The following MEGF10 variants were observed in gnomAD, a reference collection of about 807,000 sequenced individuals.
The protein encoded by MEGF10 is multiple EGF like domains 10.
A neutral mutation model predicts 147.5 loss-of-function variants in MEGF10; 86 were observed. The ratio of observed to expected loss-of-function variants is 0.58; its 90% CI spans 0.49 to 0.70. The LOEUF (loss-of-function observed/expected upper bound fraction) is 0.70, where lower values mean the gene tolerates loss of function less well. MEGF10 is among the 30% of genes least tolerant of loss of function. The pLI, the probability that MEGF10 is intolerant of heterozygous loss-of-function variation, is 0.00. For synonymous variants in MEGF10, 478 were observed against 525.5 expected, an observed-to-expected ratio of 0.91 and a Z score of 1.24; for missense variants, 1,329 against 1,487.3, an observed-to-expected ratio of 0.89 and a Z score of 1.75.
intron 14 of MEGF10, 30 bp from the exon 15 acceptor site, chr5:127,434,657 G>T (rs2127002473): frequency 6.3e-7 from 1 of 1,586,892 alleles, no homozygotes; most frequent in East Asian, 2.3e-5. Context: ...ATCTCAGAAG[G>T]ATAACTGCTG....
intron 5 of MEGF10, among the ~76,000 whole-genome samples, chr5:127,382,247 A>T (rs1406626180): frequency 6.6e-6 from 1 of 152,232 alleles, no homozygotes; most frequent in Non-Finnish European, 1.5e-5. Flanking sequence ...GGCAGAAGTA[A>T]AAAGACAATA....
chr5:127,414,826 A>T (rs1016944771), intron 9 of MEGF10, among the ~76,000 whole-genome samples: 1 of 152,220 alleles, frequency 6.6e-6, no homozygotes, highest in African/African-American at 2.4e-5. Context: ...GAGAAAGAAG[A>T]CATTAAAGGA....
chr5:127,233,930 A>G, the MEGF10 span, among the ~76,000 whole-genome samples: 1 of 152,170 alleles, frequency 6.6e-6, no homozygotes, highest in African/African-American at 2.4e-5. Flanking sequence ...TTTGAAAGCT[A>G]TCTGTGGGGA....
chr5:127,312,677 A>G (rs1760344077), intron 1 of MEGF10, among the ~76,000 whole-genome samples: 1 of 152,218 alleles, frequency 6.6e-6, no homozygotes, highest in Non-Finnish European at 1.5e-5. Flanking sequence ...ATACCAAACC[A>G]TATGCAGAAT....
intron 9 of MEGF10, among the ~76,000 whole-genome samples, chr5:127,417,127 T>C (rs539771987): frequency 6.6e-6 from 1 of 152,358 alleles, no homozygotes; most frequent in East Asian, 1.9e-4. Context: ...GATATGTCCA[T>C]TTGCTATGGA....
chr5:127,432,422 G>A (rs1765415179), intron 13 of MEGF10, among the ~76,000 whole-genome samples: 1 of 152,176 alleles, frequency 6.6e-6, no homozygotes, highest in Admixed American at 6.5e-5. Flanking sequence ...CTGGAATCCT[G>A]GAGGGTCTGC....
intron 8 of MEGF10, 76 bp from the exon 9 acceptor site, chr5:127,410,313 G>A (rs1191759566): frequency 7.1e-7 from 1 of 1,400,590 alleles, no homozygotes; most frequent in Non-Finnish European, 1.0e-6. Flanking sequence ...GCATAACAAA[G>A]CCATTCCAAA....
At position 127,445,505 on chromosome 5, in the gene MEGF10, C is replaced by T; in HGVS notation, c.2540C>T (p.Thr847Ile). ...GNLNSLSRTS[T>I]ALPADSYQIG... ...CTGAACAGCTTAAGCCGAACCAGTA[C>T]TGCTCTCCCTGCTGATTCCTACCAG... Residue 847 changes from threonine (T) to isoleucine (I), a missense_variant, in exon 20 of 25, where the codon ACT becomes ATT. Transcript: ENST00000503335. 6.2e-7 allele frequency: 1 copy of T among 1,614,152 alleles called. No individual in the cohort carries two copies. Among genetic ancestry groups the T allele is most frequent in the Non-Finnish European group, 8.5e-7 (1 of 1,180,022 alleles).
At chr5:127,349,843 C>T (rs1275347250) in intron 4 of MEGF10, among the ~76,000 whole-genome samples, 1 of 152,034 alleles carries the variant, frequency 6.6e-6, no homozygotes, top group Non-Finnish European at 1.5e-5. Flanking sequence ...ATATTATTTC[C>T]TAGTACTAGT....
chr5:127,272,437 A>T, the MEGF10 span, among the ~76,000 whole-genome samples: 5 of 152,150 alleles, frequency 3.3e-5, no homozygotes, highest in Admixed American at 6.5e-5. Flanking sequence ...TATGAATTTT[A>T]AAATAGTTTT....
In MEGF10 at chr5:127,325,909, ATTTT is replaced by A. The variant is rs201136774; in HGVS notation, c.-18-5372_-18-5369del. ...TGTGTATATATATATATATATATAT[ATTTT>A]TTTTTTTTTAAGACAGGGACTTGCT... is the stretch of plus-strand genomic sequence containing the variant. On this transcript the variant is annotated intron_variant, in intron 1 of 24. Coordinates refer to ENST00000503335, the MANE Select transcript of MEGF10 (RefSeq NM_001256545.2). Among the ~76,000 whole-genome samples, 35 of 105,050 alleles carry A rather than the reference ATTTT, an allele frequency of 3.3e-4. No homozygotes were observed. The East Asian group carries it at 5.4e-3, about 16-fold the overall frequency. The allele number at this position is 105,050 out of a possible 152,430, so 68.9% of individuals were successfully genotyped here.
the MEGF10 span, among the ~76,000 whole-genome samples, chr5:127,264,572 T>C: frequency 6.6e-6 from 1 of 152,142 alleles, no homozygotes. Context: ...TCTCTGTGTC[T>C]TCGTTCTGCT....
At chr5:127,269,844 T>C in the MEGF10 span, among the ~76,000 whole-genome samples, 8 of 152,016 alleles carry the variant, frequency 5.3e-5, no homozygotes, top group African/African-American at 1.7e-4. Flanking sequence ...AAAGGTCGGG[T>C]ACACACAAAA....
rs1050722076 is a variant in MEGF10, at chr5:127,459,451, C to T, written c.*2133C>T. On this transcript the variant is annotated 3_prime_UTR_variant, in exon 25 of 25. Transcript: ENST00000503335. ...GAGACATGTGTGAGTCAATAGCCAT[C>T]GGGGTCCTTTTTGGTGAGAAGAAAT... 3.9e-5 allele frequency: 6 copies of T among 152,158 alleles called. No individual in the cohort carries two copies. Among genetic ancestry groups the T allele is most frequent in the East Asian group, 1.9e-4 (1 of 5,188 alleles). 9.4% of individuals were successfully genotyped at this position (152,158 alleles called of 1,614,324 possible).
chr5:127,272,439 A>G, the MEGF10 span, among the ~76,000 whole-genome samples: 2 of 152,258 alleles, frequency 1.3e-5, no homozygotes, highest in South Asian at 4.2e-4. Context: ...TGAATTTTAA[A>G]ATAGTTTTTT....
In MEGF10 at chr5:127,455,833, G is replaced by A. The variant is rs1024131538; in HGVS notation, c.3232+226G>A. Among the ~76,000 whole-genome samples, 22 of 151,942 alleles carry A rather than the reference G, an allele frequency of 1.4e-4. No individual in the cohort carries two copies. The East Asian group carries it at 1.9e-3, about 13-fold the overall frequency. On this transcript the variant is annotated intron_variant, in intron 24 of 24. Coordinates refer to ENST00000503335, the MANE Select transcript of MEGF10 (RefSeq NM_001256545.2). ...TGGCTCACTGCAACCTCTACCTCCC[G>A]GGCTCAAGCCATCCTCCCACTTCAG...
chr5:127,388,256 C>T (rs983461677), intron 5 of MEGF10, among the ~76,000 whole-genome samples: 1 of 151,870 alleles, frequency 6.6e-6, no homozygotes, highest in African/African-American at 2.4e-5. Context: ...TCAAGCAATC[C>T]TTCCTCCTCA....
chr5:127,274,946 C>A, the MEGF10 span, among the ~76,000 whole-genome samples: 1 of 151,986 alleles, frequency 6.6e-6, no homozygotes, highest in African/African-American at 2.4e-5. Context: ...TGTGTAATAA[C>A]AGTAATAGAA....
intron 13 of MEGF10, among the ~76,000 whole-genome samples, chr5:127,433,090 G>A (rs938127102): frequency 3.3e-5 from 5 of 152,146 alleles, no homozygotes; most frequent in Admixed American, 3.3e-4. Context: ...CAGAGCCCTT[G>A]GGCTTCCACT....
Sources: allele counts gnomAD v4.1 joint callset (sites outside exome capture counted in the v4.1 genomes callset), GRCh38; gene constraint gnomAD v4.1.1; transcripts MANE v1.5; gene names NCBI Gene and HGNC (gene_info 2026-07-23, HGNC 2026-07-21).